SH3RF3: variants seen among roughly 807,000 people sequenced by gnomAD.
SH3RF3 encodes the protein SH3 domain containing ring finger 3.
SH3RF3 carries 29 observed loss-of-function variants against 66.3 expected under a neutral mutation model. The observed-to-expected ratio is 0.44, with a 90% CI of 0.33 to 0.60. The LOEUF (loss-of-function observed/expected upper bound fraction) is 0.60, where lower values mean the gene tolerates loss of function less well. Among genes scored for constraint, SH3RF3 ranks in the 20% least tolerant of loss-of-function variants. The pLI, the probability that SH3RF3 is intolerant of heterozygous loss-of-function variation, is 0.04. For missense variants in SH3RF3, 1,194 were observed against 1,190.9 expected (o/e 1.00, Z -0.04); for synonymous variants, 583 against 532.0 (o/e 1.10, Z -1.32).
At chr2:109,458,314 A>G (rs1017493384) in intron 8 of SH3RF3, among the ~76,000 whole-genome samples, 9 of 152,218 alleles carry the variant, frequency 5.9e-5, no homozygotes, top group African/African-American at 2.2e-4. Flanking sequence ...CAATAGGTCA[A>G]CTTCATGAAA....
intron 2 of SH3RF3, among the ~76,000 whole-genome samples, chr2:109,348,959 A>C (rs1453724832): frequency 6.6e-6 from 1 of 152,032 alleles, no homozygotes; most frequent in Non-Finnish European, 1.5e-5. Flanking sequence ...GATGCCCAGA[A>C]GTTGTTGTTT....
chr2:109,479,244 A>G (rs1678769863), intron 8 of SH3RF3, among the ~76,000 whole-genome samples: 1 of 152,138 alleles, frequency 6.6e-6, no homozygotes, highest in South Asian at 2.1e-4. Flanking sequence ...GGATGTCACA[A>G]GAGGTCTGCC....
intron 8 of SH3RF3, among the ~76,000 whole-genome samples, chr2:109,454,938 A>T (rs564555679): frequency 5.9e-5 from 9 of 152,058 alleles, no homozygotes; most frequent in African/African-American, 2.2e-4. Flanking sequence ...AAAAAAGTTA[A>T]CTCTCTCTTT....
intron 8 of SH3RF3, among the ~76,000 whole-genome samples, chr2:109,466,072 C>CTTTTTTTTTTTTTTTTTT (rs1171998206): frequency 2.4e-5 from 2 of 82,384 alleles, no homozygotes; most frequent in Admixed American, 1.8e-4. Context: ...ACCTGTACAT[C>CTTTTTTTTTTTTTTTTTT]TTTTTTTTTT....
intron 8 of SH3RF3, among the ~76,000 whole-genome samples, chr2:109,479,797 T>TCGCAGACCCCCAAAACCATC (rs1288866535): frequency 2.0e-5 from 3 of 152,192 alleles, no homozygotes; most frequent in African/African-American, 7.2e-5. Context: ...TCTACGGGTT[T>TCGCAGACCCCCAAAACCATC]CGCAGACCCC....
At position 109,199,617 on chromosome 2, in the gene SH3RF3, TGG is replaced by T. The variant is rs1678607848; in HGVS notation, c.573+69505_573+69506del. Among the ~76,000 whole-genome samples, 2 of 258 alleles carry T rather than the reference TGG, an allele frequency of 7.8e-3. 1 individual carries two copies. Among genetic ancestry groups the T allele is most frequent in the African/African-American group, 0.024 (2 of 84 alleles). 0.2% of individuals were successfully genotyped at this position (258 alleles called of 152,430 possible). A position where few individuals can be genotyped will look rare whatever the true frequency, so the allele number is the denominator to read the frequency against. On this transcript the variant is annotated intron_variant, in intron 1 of 9. Transcript: ENST00000309415. ...TGGAATGGAATGGAATGGAATGGAATGGAATGGAATGGAATGGAATGGAATGG... is the reference window on the plus strand; with the variant it reads ...TGGAATGGAATGGAATGGAATGGAATAATGGAATGGAATGGAATGGAATGG...
chr2:109,248,253 A>G (rs1203358698), intron 1 of SH3RF3, among the ~76,000 whole-genome samples: 1 of 152,160 alleles, frequency 6.6e-6, no homozygotes, highest in Non-Finnish European at 1.5e-5. Flanking sequence ...AAACAAGGTC[A>G]CTTCTCTCAA....
intron 1 of SH3RF3, among the ~76,000 whole-genome samples, chr2:109,166,950 A>G (rs79476758): frequency 9.2e-5 from 14 of 152,348 alleles, no homozygotes; most frequent in African/African-American, 3.4e-4. Flanking sequence ...CCATAAATCT[A>G]CCTTCTTGTA....
At chr2:109,451,754 C>A (rs1482873108) in intron 8 of SH3RF3, among the ~76,000 whole-genome samples, 1 of 152,262 alleles carries the variant, frequency 6.6e-6, no homozygotes, top group African/African-American at 2.4e-5. Flanking sequence ...TGATGAAAGG[C>A]GACATGCAGG....
intron 3 of SH3RF3, among the ~76,000 whole-genome samples, chr2:109,395,658 G>A (rs1676122598): frequency 6.6e-6 from 1 of 152,204 alleles, no homozygotes; most frequent in Non-Finnish European, 1.5e-5. Flanking sequence ...CGCCGTGAAG[G>A]CACAGTGCAG....
At chr2:109,250,762 G>A (rs1465630117) in intron 1 of SH3RF3, among the ~76,000 whole-genome samples, 1 of 151,408 alleles carries the variant, frequency 6.6e-6, no homozygotes, top group Non-Finnish European at 1.5e-5. Flanking sequence ...TTAGTAATTA[G>A]CTATTTTAGA....
intron 7 of SH3RF3, among the ~76,000 whole-genome samples, chr2:109,438,974 A>G (rs901593270): frequency 6.6e-5 from 10 of 152,196 alleles, no homozygotes; most frequent in Admixed American, 2.6e-4. Flanking sequence ...GGCCCCACTC[A>G]TCACGGTGAG....
intron 1 of SH3RF3, among the ~76,000 whole-genome samples, chr2:109,163,018 T>C (rs1677525954): frequency 6.6e-6 from 1 of 152,118 alleles, no homozygotes; most frequent in South Asian, 2.1e-4. Flanking sequence ...GAGGGAAAAG[T>C]CCCCCAAAGT....
intron 1 of SH3RF3, among the ~76,000 whole-genome samples, chr2:109,204,238 A>G (rs943076451): frequency 2.6e-5 from 4 of 152,200 alleles, no homozygotes; most frequent in Admixed American, 1.3e-4. Context: ...TGGGTGAACC[A>G]TGAAACTTAC....
At chr2:109,407,718 A>G (rs1676484263) in intron 4 of SH3RF3, among the ~76,000 whole-genome samples, 1 of 148,800 alleles carries the variant, frequency 6.7e-6, no homozygotes, top group Admixed American at 6.7e-5. Context: ...GGGAGGCAAA[A>G]CAAAGTACCA....
At chr2:109,224,658 G>A (rs1558967692) in intron 1 of SH3RF3, among the ~76,000 whole-genome samples, 1 of 152,208 alleles carries the variant, frequency 6.6e-6, no homozygotes, top group Admixed American at 6.5e-5. Flanking sequence ...AGGAGTTCAA[G>A]ACCAACCTAG....
chr2:109,129,391 G>A lies in SH3RF3; in HGVS notation c.-150G>A, dbSNP rs770386838. 3.7e-6 allele frequency: 5 copies of A among 1,343,878 alleles called. No homozygotes were observed. In the South Asian group the frequency reaches 6.5e-5, roughly 17 times the overall value. 83.2% of individuals were successfully genotyped at this position (1,343,878 alleles called of 1,614,324 possible). A position where few individuals can be genotyped will look rare whatever the true frequency, so the allele number is the denominator to read the frequency against. On this transcript the variant is annotated 5_prime_UTR_variant, in exon 1 of 10. Transcript: ENST00000309415. Reference sequence around the variant, plus strand: ...GCCGGTCGGTGAGCCACTTCGCACCGCCACAGCCCTAGCATCGGGCCACCA... The same window carrying A: ...GCCGGTCGGTGAGCCACTTCGCACCACCACAGCCCTAGCATCGGGCCACCA...
At chr2:109,260,002 A>G (rs746246411) in intron 1 of SH3RF3, among the ~76,000 whole-genome samples, 1 of 152,152 alleles carries the variant, frequency 6.6e-6, no homozygotes, top group Non-Finnish European at 1.5e-5. Context: ...TTCTCCGGCC[A>G]GAGATATCTT....
In SH3RF3 at chr2:109,432,498, C is replaced by T. The variant is rs779900604; in HGVS notation, c.1404-3C>T. 1.9e-6 allele frequency: 3 copies of T among 1,613,178 alleles called. No individual in the cohort carries two copies. The Admixed American group carries it at 5.0e-5, about 27-fold the overall frequency. On this transcript the variant is annotated splice_polypyrimidine_tract_variant and splice_region_variant and intron_variant, in intron 5 of 9. Coordinates refer to ENST00000309415, the MANE Select transcript of SH3RF3 (RefSeq NM_001099289.3). ...TGACACTGGCCCCATGCTTTGCCCG[C>T]AGGTACCTGGCGCTCTACGCCTACA...
Sources: gnomAD v4.1 joint callset for allele counts (sites outside exome capture counted in the v4.1 genomes callset) on GRCh38, gnomAD v4.1.1 for gene constraint, MANE v1.5 for transcripts, NCBI Gene and HGNC (gene_info 2026-07-23, HGNC 2026-07-21) for gene names.